Variants in HACL2 observed in about 807,000 individuals in gnomAD.
HACL2 encodes the protein 2-hydroxyacyl-CoA lyase 2, also known as 2-hydroxyacyl-CoA lyase 1 like.
the HACL2 span, chr19:15,120,148 A>G: frequency 2.8e-6 from 3 of 1,058,744 alleles, no homozygotes; most frequent in Non-Finnish European, 4.2e-6. Flanking sequence ...CCAGGATCTG[A>G]GCAAGGAAAG....
the HACL2 span, chr19:15,115,595 C>T: frequency 1.2e-6 from 2 of 1,613,706 alleles, no homozygotes; most frequent in Non-Finnish European, 1.7e-6. Context: ...GGCCACGTTG[C>T]TGCCCAGAGA....
At chr19:15,118,695 T>G in the HACL2 span, among the ~76,000 whole-genome samples, 2 of 152,168 alleles carry the variant, frequency 1.3e-5, no homozygotes, top group African/African-American at 2.4e-5. Context: ...CTTCACCAAG[T>G]CGGCCAGCCC....
the HACL2 span, chr19:15,123,440 C>T: frequency 4.6e-5 from 75 of 1,614,098 alleles, no homozygotes; most frequent in Middle Eastern, 1.6e-4. The surrounding 1 kb of genome is among the most constrained non-coding windows in gnomAD (Gnocchi z 5.1). Flanking sequence ...GTCCACCACA[C>T]GGATGCCCAG....
At chr19:15,115,697 C>G in the HACL2 span, 1 of 1,593,090 alleles carries the variant, frequency 6.3e-7, no homozygotes. Context: ...GAAGGCAGGC[C>G]GCAGCCTTCA....
chr19:15,125,497 C>T, the HACL2 span: 3 of 174,932 alleles, frequency 1.7e-5, no homozygotes. Flanking sequence ...AGGTCACGCC[C>T]CCGGGTTAGC....
chr19:15,117,593 CT>C, the HACL2 span: 56,507 of 272,894 alleles, frequency 0.21, 6,703 homozygotes, highest in East Asian at 0.35. Context: ...GGGAGGATTG[CT>C]TTTGAGCCTG....
the HACL2 span, chr19:15,115,245 C>G: frequency 6.2e-7 from 1 of 1,614,078 alleles, no homozygotes; most frequent in Non-Finnish European, 8.5e-7. Context: ...TCCTGACCCA[C>G]AAGGCCCTAT....
chr19:15,120,027 G>T, the HACL2 span: 1 of 1,550,732 alleles, frequency 6.4e-7, no homozygotes, highest in South Asian at 1.2e-5. Flanking sequence ...GCGGTCCCTC[G>T]GGCTGAGGCT....
chr19:15,116,590 CA>C, the HACL2 span: 1 of 1,279,432 alleles, frequency 7.8e-7, no homozygotes, highest in Non-Finnish European at 1.1e-6. Context: ...TCAGAGGCCT[CA>C]AAACAGCAGG....
the HACL2 span, among the ~76,000 whole-genome samples, chr19:15,121,743 C>T: frequency 6.9e-6 from 1 of 144,332 alleles, no homozygotes; most frequent in Non-Finnish European, 1.5e-5. Context: ...CAGGGGGAGG[C>T]GGAGGTTGCA....
chr19:15,117,279 G>C, the HACL2 span: 3 of 153,454 alleles, frequency 2.0e-5, no homozygotes, highest in Non-Finnish European at 4.3e-5. Flanking sequence ...CAACGAGTGT[G>C]CTCTCTGTCC....
the HACL2 span, chr19:15,125,450 A>G: frequency 5.0e-6 from 1 of 199,546 alleles, no homozygotes; most frequent in African/African-American, 2.4e-5. Flanking sequence ...CAGCCCCAGT[A>G]GTGAGCCCGC....
the HACL2 span, chr19:15,117,099 G>A: frequency 1.8e-5 from 3 of 162,664 alleles, no homozygotes; most frequent in Middle Eastern, 6.8e-4. Flanking sequence ...CTGCTGAGTG[G>A]ACCTTCCCAA....
the HACL2 span, chr19:15,123,050 G>A: frequency 6.2e-7 from 1 of 1,607,786 alleles, no homozygotes; most frequent in Non-Finnish European, 8.5e-7. This position sits in a 1 kb window ranked among gnomAD's most constrained non-coding sequence, Gnocchi z 5.1. Flanking sequence ...ACAGAGGTGT[G>A]GCAGGGTTAT....
At chr19:15,119,051 T>C in the HACL2 span, 4 of 1,189,678 alleles carry the variant, frequency 3.4e-6, no homozygotes, top group Non-Finnish European at 3.5e-6. Flanking sequence ...TATGTGAAAA[T>C]GTGTATCAAG....
chr19:15,124,726 T>A, the HACL2 span: 1 of 691,200 alleles, frequency 1.4e-6, no homozygotes, highest in South Asian at 2.1e-5. Flanking sequence ...CCGTGTTCTC[T>A]CTTACCAGTG....
At chr19:15,115,389 G>A in the HACL2 span, 3 of 1,613,968 alleles carry the variant, frequency 1.9e-6, no homozygotes, top group Non-Finnish European at 2.5e-6. Context: ...CGTGAGAGCA[G>A]CAAGCCCCGG....
chr19:15,119,140 A>G, the HACL2 span: 2 of 1,521,564 alleles, frequency 1.3e-6, no homozygotes, highest in East Asian at 2.3e-5. Flanking sequence ...TGGGGGAAGG[A>G]GGGAAAGGAA....
chr19:15,125,196 C>T, the HACL2 span: 1 of 925,460 alleles, frequency 1.1e-6, no homozygotes, highest in Non-Finnish European at 1.6e-6. Flanking sequence ...CGGCCACGCC[C>T]CCAACCCTGC....
Sources: gnomAD v4.1 joint callset for allele counts (sites outside exome capture counted in the v4.1 genomes callset) on GRCh38, gnomAD v4.1.1 for gene constraint, Gnocchi (gnomAD v3.1) non-coding constraint, MANE v1.5 for transcripts, NCBI Gene and HGNC (gene_info 2026-07-23, HGNC 2026-07-21) for gene names.